The following CRISP1 variants were observed in gnomAD, a reference collection of about 807,000 sequenced individuals.
CRISP1 encodes cysteine-rich secretory protein 1.
Under a neutral mutation model 33.1 loss-of-function variants are expected in CRISP1, and 44 were observed. The observed-to-expected ratio is 1.33, with a 90% confidence interval of 1.05 to 1.71. The LOEUF (loss-of-function observed/expected upper bound fraction) is 1.71, where lower values mean the gene tolerates loss of function less well. Among genes scored for constraint, CRISP1 ranks in the 40% most tolerant of loss-of-function variants. CRISP1 has a pLI of 0.00. For synonymous variants in CRISP1, 103 were observed against 98.7 expected (o/e 1.04, Z -0.26); for missense variants, 390 against 301.2 (o/e 1.29, Z -2.18).
chr6:49,845,656 TCAAA>T (rs1484677034), intron 5 of CRISP1, among the ~76,000 whole-genome samples: 1 of 149,282 alleles, frequency 6.7e-6, no homozygotes, highest in Non-Finnish European at 1.5e-5. Context: ...AAGCAAGCAC[TCAAA>T]CAGATATTTT....
chr6:49,844,080 G>A (rs1275586061), intron 5 of CRISP1, among the ~76,000 whole-genome samples: 1 of 152,092 alleles, frequency 6.6e-6, no homozygotes, highest in Non-Finnish European at 1.5e-5. Flanking sequence ...CTTTATGCAA[G>A]GAAGAACCAG....
chr6:49,852,277 G>A (rs1771371928), intron 2 of CRISP1, 148 bp from the exon 3 acceptor site: 1 of 691,168 alleles, frequency 1.4e-6, no homozygotes, highest in Non-Finnish European at 2.3e-6. Context: ...TCATTATATT[G>A]GATTCCATTT....
At chr6:49,843,457 C>T (rs2127470755) in intron 5 of CRISP1, among the ~76,000 whole-genome samples, 1 of 152,224 alleles carries the variant, frequency 6.6e-6, no homozygotes, top group South Asian at 2.1e-4. Context: ...GTGTAACTTA[C>T]CAATGGGCAC....
upstream of CRISP1, among the ~76,000 whole-genome samples, chr6:49,866,984 G>T (rs1294458650): frequency 2.0e-5 from 3 of 152,100 alleles, no homozygotes; most frequent in African/African-American, 7.2e-5. Flanking sequence ...ACTTGGAGAG[G>T]CTCTGGGAAT....
intron 5 of CRISP1, among the ~76,000 whole-genome samples, chr6:49,845,806 A>G (rs1561941731): frequency 1.3e-5 from 2 of 152,206 alleles, no homozygotes; most frequent in South Asian, 4.1e-4. Context: ...AAAAAAAAGA[A>G]TACAATTCTG....
chr6:49,865,422 G>A (rs1179158265), intron 1 of CRISP1, among the ~76,000 whole-genome samples: 1 of 152,124 alleles, frequency 6.6e-6, no homozygotes, highest in Non-Finnish European at 1.5e-5. Flanking sequence ...ATATTTGTAA[G>A]ACATAAATAC....
chr6:49,855,445 T>TC (rs1022554369), intron 2 of CRISP1, among the ~76,000 whole-genome samples: 1 of 152,050 alleles, frequency 6.6e-6, no homozygotes, highest in Non-Finnish European at 1.5e-5. Flanking sequence ...ATCTCTGATT[T>TC]TTTTTTTTTT....
chr6:49,838,543 G>T lies in CRISP1; in HGVS notation c.534-18C>A, dbSNP rs1770880542. The T allele has an allele frequency of 1.3e-6, 2 of 1,590,170 alleles. No homozygotes were observed. The highest frequency in any genetic ancestry group is 1.7e-5 in the Admixed American group (1 of 58,564). Reference sequence around the variant, plus strand: ...CATTTCCCCTTGAATAAAAAAAAGTGATTTCATAAAACCCATCTTTGAAAA... The same window carrying T: ...CATTTCCCCTTGAATAAAAAAAAGTTATTTCATAAAACCCATCTTTGAAAA... On this transcript the variant is annotated intron_variant, in intron 6 of 7. Transcript: ENST00000335847.
At chr6:49,858,041 A>C (rs1460951602) in intron 1 of CRISP1, among the ~76,000 whole-genome samples, 1 of 152,172 alleles carries the variant, frequency 6.6e-6, no homozygotes, top group African/African-American at 2.4e-5. Flanking sequence ...ATTTATGATA[A>C]CTTGTTATAG....
At chr6:49,845,670 T>C (rs1771139368) in intron 5 of CRISP1, among the ~76,000 whole-genome samples, 1 of 147,492 alleles carries the variant, frequency 6.8e-6, no homozygotes, top group Admixed American at 6.8e-5. Flanking sequence ...ACAGATATTT[T>C]CACACCAATA....
At chr6:49,848,744 T>A (rs1478396036) in intron 3 of CRISP1, among the ~76,000 whole-genome samples, 1 of 152,124 alleles carries the variant, frequency 6.6e-6, no homozygotes, top group Non-Finnish European at 1.5e-5. Flanking sequence ...ATGTGACAAA[T>A]CTTCTGTATT....
chr6:49,857,216 AAAGTGAGT>A, intron 2 of CRISP1, 111 bp downstream of exon 2: 2 of 881,510 alleles, frequency 2.3e-6, no homozygotes, highest in Non-Finnish European at 3.5e-6. Context: ...TTGTGAAAAC[AAAGTGAGT>A]AATGGGTGTA....
chr6:49,839,488 A>G (rs1770915706), intron 6 of CRISP1, among the ~76,000 whole-genome samples: 1 of 151,976 alleles, frequency 6.6e-6, no homozygotes, highest in Non-Finnish European at 1.5e-5. Flanking sequence ...ATTCTTACCC[A>G]TGTATGTCTA....
At chr6:49,862,742 TGCTTTG>T (rs1771685861) in intron 1 of CRISP1, among the ~76,000 whole-genome samples, 1 of 151,820 alleles carries the variant, frequency 6.6e-6, no homozygotes, top group Admixed American at 6.6e-5. Context: ...TTTCAGTCCA[TGCTTTG>T]GCTTGAGGTC....
Position 49,846,623 on chromosome 6 carries a change from G to C in CRISP1, c.332C>G (p.Ser111Ter). 6.2e-7 allele frequency: 1 copy of C among 1,613,552 alleles called. No individual in the cohort carries two copies. Among genetic ancestry groups the C allele is most frequent in the Non-Finnish European group, 8.5e-7 (1 of 1,179,652 alleles). ...CCAGACTCCAATTACACTTGACCAT[G>C]ATACAGGATAAGATGTCATATGCAT... The part of the protein sequence containing the change: ...ENMHMTSYPV[S>*]WSSVIGVWYS... Residue 111 changes from serine (S) to a stop codon, truncating the protein, a stop_gained, in exon 5 of 8, where the codon TCA becomes TGA. Transcript: ENST00000335847. LOFTEE classifies it high-confidence loss of function.
intron 1 of CRISP1, among the ~76,000 whole-genome samples, chr6:49,862,920 A>C (rs1582282519): frequency 6.6e-6 from 1 of 152,268 alleles, no homozygotes; most frequent in East Asian, 1.9e-4. Flanking sequence ...AAAGTTAATA[A>C]TTCAACATCA....
intron 5 of CRISP1, among the ~76,000 whole-genome samples, chr6:49,841,356 A>G (rs1770981636): frequency 6.6e-6 from 1 of 152,160 alleles, no homozygotes; most frequent in South Asian, 2.1e-4. Context: ...CTGGGATAGG[A>G]GAGATGGGTA....
intron 5 of CRISP1, among the ~76,000 whole-genome samples, chr6:49,846,027 C>T (rs1025493657): frequency 3.3e-5 from 5 of 151,986 alleles, no homozygotes; most frequent in Non-Finnish European, 7.4e-5. Flanking sequence ...TACAGAGTTT[C>T]GGTTTGGGAA....
intron 5 of CRISP1, among the ~76,000 whole-genome samples, chr6:49,841,994 T>C (rs1317786139): frequency 6.6e-6 from 1 of 152,202 alleles, no homozygotes; most frequent in African/African-American, 2.4e-5. Flanking sequence ...TGGGTAGCTT[T>C]CTCACAGTCC....
Sources: gnomAD v4.1 joint callset for allele counts (sites outside exome capture counted in the v4.1 genomes callset) on GRCh38, gnomAD v4.1.1 for gene constraint, MANE v1.5 for transcripts, NCBI Gene and HGNC (gene_info 2026-07-23, HGNC 2026-07-21) for gene names.